Variants in KCNA6 observed in about 807,000 individuals in gnomAD.
KCNA6 encodes human brain potassium channel-2.
Under a neutral mutation model 29.5 loss-of-function variants are expected in KCNA6, and 17 were observed. The ratio of observed to expected loss-of-function variants is 0.58; its 90% CI spans 0.39 to 0.86. The LOEUF (loss-of-function observed/expected upper bound fraction) is 0.86. KCNA6 is among the 40% of genes least tolerant of loss of function. The pLI is 0.00. For synonymous variants in KCNA6, 296 were observed against 304.7 expected (o/e 0.97, Z 0.30); for missense variants, 450 against 703.4 (o/e 0.64, Z 4.07).
the KCNA6 span, among the ~76,000 whole-genome samples, chr12:4,846,929 C>T: frequency 6.6e-6 from 1 of 151,954 alleles, no homozygotes; most frequent in East Asian, 1.9e-4. Context: ...CAGGCGCCCG[C>T]CACCACGCCC....
At chr12:4,827,550 G>T in the KCNA6 span, among the ~76,000 whole-genome samples, 1 of 152,190 alleles carries the variant, frequency 6.6e-6, no homozygotes. Context: ...AAAGGACAAA[G>T]GAAAGAAAGG....
chr12:4,815,669 T>G (rs1224699652), downstream of KCNA6, among the ~76,000 whole-genome samples: 1 of 152,224 alleles, frequency 6.6e-6, no homozygotes, highest in Admixed American at 6.5e-5. Context: ...AGAACTGCCC[T>G]TAATTCACTT....
At chr12:4,828,447 G>A in the KCNA6 span, among the ~76,000 whole-genome samples, 3 of 152,218 alleles carry the variant, frequency 2.0e-5, no homozygotes, top group Non-Finnish European at 4.4e-5. Context: ...AACACTTGTA[G>A]TGTAGATATT....
At chr12:4,845,490 C>T in the KCNA6 span, among the ~76,000 whole-genome samples, 380 of 152,224 alleles carry the variant, frequency 2.5e-3, 9 homozygotes, top group East Asian at 0.043. Flanking sequence ...AGTCACGTTA[C>T]GTGCATTGTT....
downstream of KCNA6, among the ~76,000 whole-genome samples, chr12:4,815,308 C>T (rs961941089): frequency 3.5e-4 from 53 of 152,330 alleles, 1 homozygote; most frequent in African/African-American, 1.2e-3. Flanking sequence ...TGACTTCTCA[C>T]TCTGCCATTC....
chr12:4,810,074 G>T lies in KCNA6; in HGVS notation c.33G>T (p.Ala11=). The change falls in exon 1 of 1, where the codon GCG becomes GCT. Residue 11 remains alanine, a synonymous_variant. Transcript: ENST00000280684. The surrounding 1 kb of genome is among the most constrained non-coding windows in gnomAD (Gnocchi z 7.5). ...CGGAGAAATCCCTTACGCTGGCGGC[G>T]CCGGGGGAGGTCCGTGGGCCGGAGG... 1.9e-6 allele frequency: 3 copies of T among 1,549,510 alleles called. No homozygotes were observed. Among genetic ancestry groups the T allele is most frequent in the Non-Finnish European group, 1.7e-6 (2 of 1,150,832 alleles).
chr12:4,846,128 G>A, the KCNA6 span, among the ~76,000 whole-genome samples: 43 of 152,044 alleles, frequency 2.8e-4, no homozygotes, highest in South Asian at 8.9e-3. Context: ...CTCTGTGCAT[G>A]AAACAAAGTT....
the KCNA6 span, among the ~76,000 whole-genome samples, chr12:4,838,619 C>A: frequency 2.6e-5 from 4 of 152,204 alleles, no homozygotes; most frequent in Non-Finnish European, 2.9e-5. Flanking sequence ...AACACATAAC[C>A]TATCTGCCAT....
chr12:4,816,249 G>GGTGTGT (rs59638657), downstream of KCNA6, among the ~76,000 whole-genome samples: 382 of 142,730 alleles, frequency 2.7e-3, 1 homozygote, highest in Non-Finnish European at 4.3e-3. Flanking sequence ...ACCACGAACT[G>GGTGTGT]GTGTGTGTGT....
chr12:4,824,768 C>A, the KCNA6 span, among the ~76,000 whole-genome samples: 1 of 152,184 alleles, frequency 6.6e-6, no homozygotes, highest in Non-Finnish European at 1.5e-5. Context: ...TGCGTAAGGT[C>A]AACACTTTTC....
chr12:4,839,853 G>C, the KCNA6 span, among the ~76,000 whole-genome samples: 165 of 152,254 alleles, frequency 1.1e-3, no homozygotes, highest in African/African-American at 3.9e-3. Flanking sequence ...TATCAGAGGA[G>C]GCCACCAAGC....
At position 4,812,754 on chromosome 12, in the gene KCNA6, A is replaced by G. The variant is rs139352874; in HGVS notation, c.*1123A>G. 6.3e-4 allele frequency: 105 copies of G among 167,196 alleles called. 2 individuals are homozygous for G. The highest frequency in any genetic ancestry group is 2.4e-3 in the African/African-American group (100 of 41,560). 10.4% of individuals were successfully genotyped at this position (167,196 alleles called of 1,614,324 possible). ...GGTTTCTTCCCATTTTATGGGCATG[A>G]AATATGTGGTTTAGAATAAGGAACA... On this transcript the variant is annotated 3_prime_UTR_variant, in exon 1 of 1. Coordinates refer to ENST00000280684, the Ensembl canonical transcript of KCNA6.
chr12:4,833,831 A>C, the KCNA6 span, among the ~76,000 whole-genome samples: 3 of 152,088 alleles, frequency 2.0e-5, no homozygotes, highest in Non-Finnish European at 4.4e-5. Context: ...ACCAACGGCT[A>C]GGATTACCAT....
chr12:4,831,041 A>C, the KCNA6 span, among the ~76,000 whole-genome samples: 1 of 152,212 alleles, frequency 6.6e-6, no homozygotes. Flanking sequence ...TTGATCTTTC[A>C]GCGCTGACTT....
At chr12:4,815,463 G>A (rs925483279), downstream of KCNA6, among the ~76,000 whole-genome samples, 3 of 152,174 alleles carry the variant, frequency 2.0e-5, no homozygotes, top group Non-Finnish European at 4.4e-5. Flanking sequence ...GGGAGAGAAT[G>A]ACCCTGAGAA....
chr12:4,824,039 T>C, the KCNA6 span, among the ~76,000 whole-genome samples: 1 of 152,202 alleles, frequency 6.6e-6, no homozygotes, highest in Non-Finnish European at 1.5e-5. Flanking sequence ...CACTGGTGTC[T>C]GCCTGTGTGA....
chr12:4,810,360 C>T lies in KCNA6; in HGVS notation c.319C>T (p.Arg107Trp), dbSNP rs1238844683. 6.2e-7 allele frequency: 1 copy of T among 1,613,998 alleles called. No homozygotes were observed. The highest frequency in any genetic ancestry group is 1.3e-5 in the African/African-American group (1 of 74,926). Residue 107 changes from arginine (R) to tryptophan (W), a missense_variant, in exon 1 of 1, where the codon CGG (arginine) becomes TGG (tryptophan). By Grantham distance (101) the Arg-to-Trp change is moderately radical. Coordinates refer to ENST00000280684, the Ensembl canonical transcript of KCNA6. The surrounding 1 kb of genome is among the most constrained non-coding windows in gnomAD (Gnocchi z 7.5). ...CTACTACCAGTCTGGGGGCCGCCTG[C>T]GGAGGCCGGTCAACGTGCCCCTGGA...
rs776626181 is a variant in KCNA6 at position 4,810,464 on chromosome 12, G to C, written c.423G>C (p.Leu141=). 1 of 1,614,096 alleles carries C rather than the reference G, an allele frequency of 6.2e-7. No homozygotes were observed. The highest frequency in any genetic ancestry group is 8.5e-7 in the Non-Finnish European group (1 of 1,180,012). ...CCTTCCGGGAGGACGAGGGCTGCCT[G>C]CCCGAAGGTGGCGAGGACGAGAAGC... The change falls in exon 1 of 1, where the codon CTG becomes CTC. Residue 141 remains leucine (L), a synonymous_variant. Coordinates refer to ENST00000280684, the Ensembl canonical transcript of KCNA6. The surrounding 1 kb of genome is among the most constrained non-coding windows in gnomAD (Gnocchi z 7.5).
At chr12:4,849,016 A>G in the KCNA6 span, among the ~76,000 whole-genome samples, 1 of 124,548 alleles carries the variant, frequency 8.0e-6, no homozygotes, top group African/African-American at 3.0e-5. Context: ...GCTACTCGGG[A>G]GGCTGAGGCA....
Sources: gnomAD v4.1 joint callset for allele counts (sites outside exome capture counted in the v4.1 genomes callset) on GRCh38, gnomAD v4.1.1 for gene constraint, Gnocchi (gnomAD v3.1) non-coding constraint, MANE v1.5 for transcripts, NCBI Gene and HGNC (gene_info 2026-07-23, HGNC 2026-07-21) for gene names.